ARHGEF4: variants seen among roughly 807,000 people sequenced by gnomAD.
ARHGEF4 encodes the protein APC-stimulated guanine nucleotide exchange factor 1.
A neutral mutation model predicts 162.0 loss-of-function variants in ARHGEF4; 119 were observed. The ratio of observed to expected loss-of-function variants is 0.73; its 90% CI spans 0.63 to 0.86. The LOEUF (loss-of-function observed/expected upper bound fraction) is 0.86. Among genes scored for constraint, ARHGEF4 ranks in the 40% least tolerant of loss-of-function variants. The pLI is 0.00. For missense variants in ARHGEF4, 2,488 were observed against 2,456.0 expected (o/e 1.01, Z -0.28); for synonymous variants, 1,014 against 979.9 (o/e 1.03, Z -0.65).
chr2:131,021,979 T>A (rs1383257772), intron 4 of ARHGEF4, among the ~76,000 whole-genome samples: 1 of 152,224 alleles, frequency 6.6e-6, no homozygotes, highest in African/African-American at 2.4e-5. Context: ...TGTTGACCCC[T>A]CCTTGTATTC....
chr2:131,024,660 C>T (rs1028195031), intron 4 of ARHGEF4, among the ~76,000 whole-genome samples: 3 of 152,086 alleles, frequency 2.0e-5, no homozygotes, highest in African/African-American at 4.8e-5. Context: ...AGATGTGTAT[C>T]GTGGTTATGT....
At chr2:130,869,864 C>T (rs1678341802) in intron 1 of ARHGEF4, among the ~76,000 whole-genome samples, 1 of 152,238 alleles carries the variant, frequency 6.6e-6, no homozygotes, top group Non-Finnish European at 1.5e-5. Context: ...GGGCCAGAGG[C>T]TCAGACTGGG....
At chr2:131,027,831 TC>T (rs1558870563) in intron 4 of ARHGEF4, 113 bp from the exon 5 acceptor site, 1 of 1,280,066 alleles carries the variant, frequency 7.8e-7, no homozygotes, top group Non-Finnish European at 1.1e-6. Flanking sequence ...ACCTGCACGC[TC>T]CCCCTGCAGA....
rs60555667 is a variant in ARHGEF4, at chr2:130,913,065, G to T, written c.40-921G>T. Among the ~76,000 whole-genome samples the T allele has an allele frequency of 3.3e-5, 5 of 152,110 alleles. No homozygotes were observed. The South Asian group carries it at 6.2e-4, about 19-fold the overall frequency. On this transcript the variant is annotated intron_variant, in intron 1 of 13. Coordinates refer to ENST00000409359, the MANE Select transcript of ARHGEF4 (RefSeq NM_001367493.1). ...ACAATATATATAGGGTTCGGTACTG[G>T]GGGGGAGTGGTTCAGGCATCGGCTG...
intron 4 of ARHGEF4, among the ~76,000 whole-genome samples, chr2:131,015,837 C>A (rs1688739932): frequency 6.6e-6 from 1 of 152,234 alleles, no homozygotes. Context: ...GCCCCAGCTT[C>A]CTCATCTGTA....
At chr2:130,909,270 T>C (rs780865803) in intron 1 of ARHGEF4, among the ~76,000 whole-genome samples, 3 of 152,208 alleles carry the variant, frequency 2.0e-5, no homozygotes, top group Non-Finnish European at 4.4e-5. Flanking sequence ...ACAACCCAAA[T>C]GTCCATCAGC....
chr2:130,837,556 G>A, intron 1 of ARHGEF4: 1 of 441,706 alleles, frequency 2.3e-6, no homozygotes, highest in East Asian at 7.9e-5. Context: ...TCTCTGGCCC[G>A]ATTTCCGGGC....
intron 4 of ARHGEF4, among the ~76,000 whole-genome samples, chr2:130,950,615 C>A (rs757758865): frequency 4.6e-5 from 7 of 152,040 alleles, no homozygotes; most frequent in Non-Finnish European, 8.8e-5. Flanking sequence ...TTCACAGATA[C>A]GTGCGGTCAT....
intron 2 of ARHGEF4, among the ~76,000 whole-genome samples, chr2:130,923,080 G>T (rs372053064): frequency 6.6e-6 from 1 of 152,178 alleles, no homozygotes; most frequent in East Asian, 1.9e-4. Context: ...ACAGGCGCGA[G>T]CCACAACACC....
At chr2:131,026,294 G>A (rs557914295) in intron 4 of ARHGEF4, among the ~76,000 whole-genome samples, 2 of 152,164 alleles carry the variant, frequency 1.3e-5, no homozygotes, top group Non-Finnish European at 2.9e-5. Context: ...TAACAGAGAA[G>A]AATATCATTA....
chr2:131,035,385 C>T, intron 5 of ARHGEF4: 1 of 928,856 alleles, frequency 1.1e-6, no homozygotes, highest in Non-Finnish European at 1.4e-6. Flanking sequence ...GTGCTCACTA[C>T]CAGGGCCTGG....
intron 4 of ARHGEF4, among the ~76,000 whole-genome samples, chr2:130,990,391 T>C (rs1686864717): frequency 6.6e-6 from 1 of 152,164 alleles, no homozygotes; most frequent in Non-Finnish European, 1.5e-5. Flanking sequence ...ATTTGTCTGT[T>C]AAAATAGATT....
intron 4 of ARHGEF4, among the ~76,000 whole-genome samples, chr2:130,970,630 G>A (rs527659832): frequency 8.6e-5 from 13 of 151,050 alleles, no homozygotes; most frequent in South Asian, 2.1e-4. Context: ...TATTAGGTAT[G>A]TAGTATCTCA....
chr2:130,911,686 T>C (rs1681196074), intron 1 of ARHGEF4, among the ~76,000 whole-genome samples: 1 of 152,208 alleles, frequency 6.6e-6, no homozygotes, highest in Non-Finnish European at 1.5e-5. Context: ...TTAGATTTTT[T>C]TTCCCCCAAA....
At chr2:131,002,798 C>T (rs886960252) in intron 4 of ARHGEF4, among the ~76,000 whole-genome samples, 3 of 151,114 alleles carry the variant, frequency 2.0e-5, no homozygotes, top group Admixed American at 6.6e-5. Context: ...AATCAGCCTC[C>T]GCTGCTGGAA....
At chr2:131,031,459 C>A (rs573588018) in intron 5 of ARHGEF4, among the ~76,000 whole-genome samples, 1 of 152,306 alleles carries the variant, frequency 6.6e-6, no homozygotes, top group East Asian at 1.9e-4. Context: ...TGAGTACTTG[C>A]GTCAGGGACG....
At chr2:131,042,932 A>G (rs1690928556) in intron 10 of ARHGEF4, among the ~76,000 whole-genome samples, 1 of 152,224 alleles carries the variant, frequency 6.6e-6, no homozygotes, top group Admixed American at 6.5e-5. Flanking sequence ...TTGGCCTCAG[A>G]GGTGAATCCC....
intron 13 of ARHGEF4, chr2:131,045,815 C>G (rs1691204396): frequency 7.0e-6 from 10 of 1,431,638 alleles, no homozygotes; most frequent in East Asian, 5.1e-5. Flanking sequence ...CAGGCCACCC[C>G]CCTCTTCAGG....
intron 4 of ARHGEF4, among the ~76,000 whole-genome samples, chr2:130,953,420 A>C (rs1684077290): frequency 2.0e-5 from 3 of 152,204 alleles, no homozygotes; most frequent in African/African-American, 7.2e-5. Flanking sequence ...GGTGGATTAA[A>C]ACTTAAATGT....
Sources: allele counts gnomAD v4.1 joint callset (sites outside exome capture counted in the v4.1 genomes callset), GRCh38; gene constraint gnomAD v4.1.1; transcripts MANE v1.5; gene names NCBI Gene and HGNC (gene_info 2026-07-23, HGNC 2026-07-21).